Variants in YWHAQ observed in about 807,000 individuals in gnomAD.
The protein encoded by YWHAQ is tyrosine 3-monooxygenase/tryptophan 5-monooxygenase activation protein theta.
In YWHAQ, 6 loss-of-function variants were observed where a neutral mutation model predicts 28.3. The observed-to-expected ratio is 0.21, with a 90% CI of 0.12 to 0.42. The LOEUF (loss-of-function observed/expected upper bound fraction) is 0.42. Ranked by LOEUF, YWHAQ falls within the 10% of genes least tolerant of loss-of-function variation. The probability of loss-of-function intolerance (pLI) is 1.00; values close to 1 mark genes in which losing one functional copy is unlikely to be tolerated. For synonymous variants in YWHAQ, 143 were observed against 119.1 expected (o/e 1.20, Z -1.31); for missense variants, 201 against 305.6 (o/e 0.66, Z 2.55).
intron 2 of YWHAQ, among the ~76,000 whole-genome samples, chr2:9,602,807 G>A (rs1331042782): frequency 7.7e-6 from 1 of 129,594 alleles, no homozygotes; most frequent in East Asian, 2.7e-4. Flanking sequence ...GGGATTACAG[G>A]TGTGAACCAC....
At chr2:9,621,728 A>T (rs1026539675) in intron 2 of YWHAQ, among the ~76,000 whole-genome samples, 6 of 152,238 alleles carry the variant, frequency 3.9e-5, no homozygotes, top group African/African-American at 1.4e-4. Context: ...CTATAAAGAC[A>T]CATGCACACA....
rs16867078 is a variant in YWHAQ at position 9,611,630 on chromosome 2, A to C, written c.294+18529T>G. 5.6e-3 allele frequency among the ~76,000 whole-genome samples: 850 copies of C among 152,256 alleles called. 4 individuals are homozygous for C. The highest frequency in any genetic ancestry group is 0.02 in the African/African-American group (812 of 41,548). Reference sequence around the variant, plus strand: ...GTGTTACATGGCTTAGTATCCTTACATATTTTGAAATATGTATATCTACTA... The same window carrying C: ...GTGTTACATGGCTTAGTATCCTTACCTATTTTGAAATATGTATATCTACTA... On this transcript the variant is annotated intron_variant, in intron 2 of 5. Transcript: ENST00000238081.
chr2:9,611,275 A>G (rs954694914), intron 2 of YWHAQ, among the ~76,000 whole-genome samples: 3 of 152,198 alleles, frequency 2.0e-5, no homozygotes, highest in Non-Finnish European at 4.4e-5. Flanking sequence ...CACACTTACT[A>G]AACAATTTAA....
intron 2 of YWHAQ, among the ~76,000 whole-genome samples, chr2:9,606,997 G>A (rs533366342): frequency 2.7e-5 from 4 of 150,762 alleles, no homozygotes; most frequent in African/African-American, 4.9e-5. Flanking sequence ...CGATTCTCCC[G>A]CCTCAGCCTC....
At chr2:9,599,073 T>C (rs1288515878) in intron 2 of YWHAQ, among the ~76,000 whole-genome samples, 2 of 152,172 alleles carry the variant, frequency 1.3e-5, no homozygotes, top group East Asian at 1.9e-4. Context: ...ATTGATGATA[T>C]GGAGAAAACT....
chr2:9,612,232 A>AC (rs1439756653), intron 2 of YWHAQ, among the ~76,000 whole-genome samples: 1 of 152,184 alleles, frequency 6.6e-6, no homozygotes, highest in Non-Finnish European at 1.5e-5. Flanking sequence ...TAACTGATCT[A>AC]CCAGGTTTTT....
intron 2 of YWHAQ, among the ~76,000 whole-genome samples, chr2:9,616,443 C>CAAAAAAAAAAAAAAAAA (rs748362781): frequency 1.1e-5 from 1 of 89,624 alleles, no homozygotes; most frequent in Non-Finnish European, 2.5e-5. Flanking sequence ...CATAAGCAAC[C>CAAAAAAAAAAAAAAAAA]AAAAAAAAAA....
intron 2 of YWHAQ, among the ~76,000 whole-genome samples, chr2:9,592,433 A>T (rs968429804): frequency 1.3e-5 from 2 of 152,112 alleles, no homozygotes; most frequent in African/African-American, 4.8e-5. Flanking sequence ...TCCATTTAAA[A>T]ACCTTTTTAG....
At chr2:9,607,450 A>AC (rs1390533120) in intron 2 of YWHAQ, among the ~76,000 whole-genome samples, 4 of 140,038 alleles carry the variant, frequency 2.9e-5, no homozygotes, top group African/African-American at 5.4e-5. Context: ...CTCGTGATCC[A>AC]CCCCCCTCGG....
chr2:9,620,697 A>G (rs764667991), intron 2 of YWHAQ: 2 of 152,206 alleles, frequency 1.3e-5, no homozygotes, highest in Non-Finnish European at 2.9e-5. Flanking sequence ...CCAATGTCTA[A>G]TATCAACTAT....
intron 2 of YWHAQ, among the ~76,000 whole-genome samples, chr2:9,596,763 C>G (rs1386082719): frequency 1.3e-5 from 2 of 152,006 alleles, no homozygotes; most frequent in Non-Finnish European, 2.9e-5. Context: ...AGCGCAGTGG[C>G]TCAATCTCAG....
intron 2 of YWHAQ, among the ~76,000 whole-genome samples, chr2:9,597,202 T>G (rs1666589907): frequency 6.6e-6 from 1 of 152,180 alleles, no homozygotes; most frequent in South Asian, 2.1e-4. Flanking sequence ...CATAAAGGAT[T>G]TGTTGCCTTA....
At chr2:9,587,901 A>T (rs1019176561) in intron 4 of YWHAQ, among the ~76,000 whole-genome samples, 1 of 152,138 alleles carries the variant, frequency 6.6e-6, no homozygotes, top group Non-Finnish European at 1.5e-5. Flanking sequence ...CTAATCTTTT[A>T]TGTTTCCTTC....
At chr2:9,587,042 A>G (rs1200669917) in intron 5 of YWHAQ, among the ~76,000 whole-genome samples, 1 of 152,228 alleles carries the variant, frequency 6.6e-6, no homozygotes, top group African/African-American at 2.4e-5. Flanking sequence ...TTATTAGAAC[A>G]AGGTACTTCC....
chr2:9,627,963 G>A (rs531817344), intron 2 of YWHAQ, among the ~76,000 whole-genome samples: 1 of 152,254 alleles, frequency 6.6e-6, no homozygotes, highest in South Asian at 2.1e-4. Context: ...AGACTACATA[G>A]CATTGTGTTC....
intron 3 of YWHAQ, among the ~76,000 whole-genome samples, chr2:9,589,917 GAC>G (rs1217762626): frequency 1.3e-5 from 2 of 152,160 alleles, no homozygotes; most frequent in African/African-American, 4.8e-5. Context: ...TAGAGATACT[GAC>G]GTAAGAGAAT....
chr2:9,614,874 T>C (rs191626323), intron 2 of YWHAQ, among the ~76,000 whole-genome samples: 1 of 152,314 alleles, frequency 6.6e-6, no homozygotes, highest in East Asian at 1.9e-4. Context: ...AGCTCTGTTA[T>C]GGGGTACAAA....
chr2:9,599,617 A>T (rs1666648018), intron 2 of YWHAQ, among the ~76,000 whole-genome samples: 1 of 152,214 alleles, frequency 6.6e-6, no homozygotes, highest in Non-Finnish European at 1.5e-5. Context: ...GGATGACGGC[A>T]TCTGTTTACA....
intron 2 of YWHAQ, among the ~76,000 whole-genome samples, chr2:9,600,826 A>G (rs1001939106): frequency 6.6e-6 from 1 of 152,240 alleles, no homozygotes; most frequent in African/African-American, 2.4e-5. Flanking sequence ...CCAGTCAGCA[A>G]CCATCAACAT....
Sources: allele counts gnomAD v4.1 joint callset (sites outside exome capture counted in the v4.1 genomes callset), GRCh38; gene constraint gnomAD v4.1.1; transcripts MANE v1.5; gene names NCBI Gene and HGNC (gene_info 2026-07-23, HGNC 2026-07-21).